The following USP45 variants were observed in gnomAD, a reference collection of about 807,000 sequenced individuals.
The protein encoded by USP45 is ubiquitin specific peptidase 45.
USP45 carries 89 observed loss-of-function variants against 95.8 expected under a neutral mutation model. The ratio of observed to expected loss-of-function variants is 0.93; its 90% CI spans 0.78 to 1.11. USP45 has a LOEUF of 1.11. USP45 is among the 50% of genes least tolerant of loss of function. The pLI is 0.00. For missense variants in USP45, 898 were observed against 942.5 expected, an observed-to-expected ratio of 0.95 and a Z score of 0.62; for synonymous variants, 281 against 316.2, an observed-to-expected ratio of 0.89 and a Z score of 1.18.
At chr6:99,478,372 C>A (rs546277244) in intron 8 of USP45, among the ~76,000 whole-genome samples, 1 of 151,920 alleles carries the variant, frequency 6.6e-6, no homozygotes, top group Admixed American at 6.6e-5. Flanking sequence ...AATCACCAAA[C>A]ATATGAAAAT....
At chr6:99,451,106 TC>T in intron 13 of USP45, among the ~76,000 whole-genome samples, 1 of 152,150 alleles carries the variant, frequency 6.6e-6, no homozygotes, top group South Asian at 2.1e-4. Context: ...CTGGAAGCAT[TC>T]CCTTTGAAAA....
chr6:99,465,812 C>T (rs1476191522), intron 11 of USP45, among the ~76,000 whole-genome samples: 1 of 152,136 alleles, frequency 6.6e-6, no homozygotes, highest in African/African-American at 2.4e-5. Flanking sequence ...CATACACTTA[C>T]AGAAATATTC....
At position 99,508,426 on chromosome 6, in the gene USP45, T is replaced by C. The variant is rs140265055; in HGVS notation, c.273+184A>G. Among the ~76,000 whole-genome samples, 3 of 152,324 alleles carry C rather than the reference T, an allele frequency of 2.0e-5. No homozygotes were observed. The East Asian group carries it at 5.8e-4, about 29-fold the overall frequency. On this transcript the variant is annotated intron_variant, in intron 3 of 17. Coordinates refer to ENST00000500704, the MANE Select transcript of USP45 (RefSeq NM_001346022.3). ...TATTTATAAACCACACCTGATTACT[T>C]TCTGAACATAGCATACCTTTTACTT...
At chr6:99,465,648 A>C (rs897292854) in intron 11 of USP45, among the ~76,000 whole-genome samples, 30 of 152,188 alleles carry the variant, frequency 2.0e-4, no homozygotes, top group African/African-American at 7.0e-4. Flanking sequence ...TCTGTGTTTC[A>C]ATGTGACAGG....
chr6:99,439,348 T>C (rs567294860), intron 16 of USP45, among the ~76,000 whole-genome samples: 1 of 152,332 alleles, frequency 6.6e-6, no homozygotes, highest in East Asian at 1.9e-4. Context: ...AGTACACCAC[T>C]CTCAGTAGTA....
intron 9 of USP45, among the ~76,000 whole-genome samples, chr6:99,469,293 A>C (rs906606443): frequency 6.6e-6 from 1 of 151,852 alleles, no homozygotes; most frequent in African/African-American, 2.4e-5. Context: ...ATCTCACAGA[A>C]AAGTTTCAGA....
At chr6:99,483,500 A>C (rs532544545) in intron 7 of USP45, among the ~76,000 whole-genome samples, 5 of 152,304 alleles carry the variant, frequency 3.3e-5, no homozygotes, top group African/African-American at 1.2e-4. Context: ...CTAAAGGACA[A>C]GGAATAGAAA....
chr6:99,445,211 A>G (rs554964463), intron 14 of USP45, among the ~76,000 whole-genome samples: 70 of 152,286 alleles, frequency 4.6e-4, no homozygotes, highest in Middle Eastern at 3.4e-3. Context: ...GAGGCCAGGC[A>G]TGGTGGCTCA....
At position 99,434,955 on chromosome 6, in the gene USP45, A is replaced by G. The variant is rs1780232398; in HGVS notation, c.*761T>C. 1 of 152,502 alleles carries G rather than the reference A, an allele frequency of 6.6e-6. No homozygotes were observed. The highest frequency in any genetic ancestry group is 6.5e-5 in the Admixed American group (1 of 15,288). The allele number at this position is 152,502 out of a possible 1,614,324, so 9.4% of individuals were successfully genotyped here. On this transcript the variant is annotated 3_prime_UTR_variant, in exon 18 of 18. Transcript: ENST00000500704. Reference sequence around the variant, plus strand: ...TTATGAAATGCCTCAATATAATTCTAGTTTTTCAAAACCTCAAGGTAATAA... The same window carrying G: ...TTATGAAATGCCTCAATATAATTCTGGTTTTTCAAAACCTCAAGGTAATAA...
intron 8 of USP45, among the ~76,000 whole-genome samples, chr6:99,481,818 T>G (rs543408262): frequency 6.6e-6 from 1 of 152,128 alleles, no homozygotes; most frequent in Non-Finnish European, 1.5e-5. Context: ...TCCAGCTGCA[T>G]CCATGTTGTC....
Position 99,468,569 on chromosome 6 carries a change from GTT to G in USP45, c.981_982del (p.Lys327AsnfsTer3). 6.2e-7 allele frequency: 1 copy of G among 1,609,418 alleles called. No homozygotes were observed. The highest frequency in any genetic ancestry group is 1.1e-5 in the South Asian group (1 of 90,462). On this transcript the variant is annotated frameshift_variant, in exon 10 of 18. Transcript: ENST00000500704. LOFTEE classifies it high-confidence loss of function. Reference sequence around the variant, plus strand: ...TTTTTTTCTAGTTTCATCATCAGCAGTTTTAGTAGTTGGGTTGTTAAATGCTT... The same window carrying G: ...TTTTTTTCTAGTTTCATCATCAGCAGTTAGTAGTTGGGTTGTTAAATGCTT...
chr6:99,512,629 A>T (rs1800131032), intron 1 of USP45, among the ~76,000 whole-genome samples: 1 of 152,214 alleles, frequency 6.6e-6, no homozygotes, highest in South Asian at 2.1e-4. Context: ...CTTTCAATTC[A>T]GTACTAAATT....
chr6:99,449,195 A>G (rs1783256975), intron 13 of USP45, among the ~76,000 whole-genome samples: 1 of 152,236 alleles, frequency 6.6e-6, no homozygotes, highest in Admixed American at 6.5e-5. Context: ...TACATGGGCT[A>G]AATGCTCCAA....
At chr6:99,508,350 A>C (rs1370664003) in intron 3 of USP45, among the ~76,000 whole-genome samples, 2 of 152,234 alleles carry the variant, frequency 1.3e-5, no homozygotes, top group Admixed American at 6.5e-5. Flanking sequence ...AAAGGTAAAG[A>C]CTGGTCCAGA....
intron 17 of USP45, 43 bp downstream of exon 17, chr6:99,437,203 A>G: frequency 6.4e-7 from 1 of 1,562,600 alleles, no homozygotes; most frequent in Non-Finnish European, 8.7e-7. Flanking sequence ...GGAAGCACAT[A>G]TTCGTTTGTT....
intron 16 of USP45, 26 bp downstream of exon 16, chr6:99,439,743 C>T: frequency 1.4e-6 from 2 of 1,412,370 alleles, no homozygotes; most frequent in South Asian, 2.9e-5. Flanking sequence ...ATTTATAAAT[C>T]AATTAAATAT....
intron 13 of USP45, among the ~76,000 whole-genome samples, chr6:99,458,550 G>C (rs1166651890): frequency 2.0e-5 from 3 of 152,186 alleles, no homozygotes; most frequent in Admixed American, 6.5e-5. Context: ...TGTTTAACCT[G>C]TCTGAATCCC....
In USP45 at chr6:99,437,347, T is replaced by C. The variant is rs768798527; in HGVS notation, c.2213A>G (p.His738Arg). 3.7e-6 allele frequency: 6 copies of C among 1,613,884 alleles called. No homozygotes were observed. Among genetic ancestry groups the C allele is most frequent in the Non-Finnish European group, 5.1e-6 (6 of 1,179,968 alleles). ...VLYGLYGIVE[H>R]SGSMREGHYT... ...GTGGCCTTCTCTCATCGAGCCACTA[T>C]GTTCCACTATGCCATAGAGACCGTA... The change falls in exon 17 of 18, where the codon CAT becomes CGT. Residue 738 changes from histidine to arginine, a missense_variant. Physicochemically the swap from His to Arg is conservative, Grantham distance 29 (BLOSUM62 0). Transcript: ENST00000500704.
intron 5 of USP45, among the ~76,000 whole-genome samples, chr6:99,501,422 C>T (rs1302698272): frequency 6.6e-6 from 1 of 152,118 alleles, no homozygotes; most frequent in African/African-American, 2.4e-5. Context: ...GCTCATCTAC[C>T]TCGTAACTTC....
Sources: allele counts gnomAD v4.1 joint callset (sites outside exome capture counted in the v4.1 genomes callset), GRCh38; gene constraint gnomAD v4.1.1; transcripts MANE v1.5; gene names NCBI Gene and HGNC (gene_info 2026-07-23, HGNC 2026-07-21).